ELMO1: variants seen among roughly 807,000 people sequenced by gnomAD.
ELMO1 encodes engulfment and cell motility 1.
In ELMO1, 26 loss-of-function variants were observed where a neutral mutation model predicts 98.9. That is an observed-to-expected ratio of 0.26 (90% CI 0.19 to 0.36). ELMO1 has a LOEUF of 0.36. Ranked by LOEUF, ELMO1 falls within the 10% of genes least tolerant of loss-of-function variation. ELMO1 has a pLI of 1.00. For missense variants in ELMO1, 627 were observed against 935.2 expected, an observed-to-expected ratio of 0.67 and a Z score of 4.30; for synonymous variants, 346 against 346.0, an observed-to-expected ratio of 1.00 and a Z score of 0.00.
chr7:37,013,731 A>C lies in ELMO1; in HGVS notation c.1301-296T>G, dbSNP rs546364320. On this transcript the variant is annotated intron_variant, in intron 15 of 21. Coordinates refer to ENST00000310758, the MANE Select transcript of ELMO1 (RefSeq NM_014800.11). ...GCTTTGTTCCAAAACTGCTGTGTTG[A>C]TTATGAGCCCTATATCTGCCTTCTT... 95 of 312,508 alleles carry C rather than the reference A, an allele frequency of 3.0e-4. 1 individual carries two copies. In the East Asian group the frequency reaches 4.8e-3, roughly 16 times the overall value. 19.4% of individuals were successfully genotyped at this position (312,508 alleles called of 1,614,324 possible).
chr7:36,993,410 A>G (rs1243198537), intron 16 of ELMO1, among the ~76,000 whole-genome samples: 1 of 152,208 alleles, frequency 6.6e-6, no homozygotes, highest in Non-Finnish European at 1.5e-5. Flanking sequence ...GTCTTAGTGA[A>G]CCAGCACTGC....
intron 20 of ELMO1, among the ~76,000 whole-genome samples, chr7:36,862,385 C>T (rs572517523): frequency 9.8e-5 from 15 of 152,330 alleles, no homozygotes; most frequent in African/African-American, 2.4e-4. Flanking sequence ...TCGAGAAGCA[C>T]GGGCTTACTC....
chr7:37,077,343 A>G (rs1475033925), intron 15 of ELMO1, among the ~76,000 whole-genome samples: 1 of 152,186 alleles, frequency 6.6e-6, no homozygotes, highest in Non-Finnish European at 1.5e-5. Flanking sequence ...CAGGGATGGA[A>G]AGGACATTCT....
At chr7:36,973,106 G>A (rs1790120824) in intron 16 of ELMO1, among the ~76,000 whole-genome samples, 1 of 152,178 alleles carries the variant, frequency 6.6e-6, no homozygotes, top group African/African-American at 2.4e-5. Context: ...TATTTTTGAG[G>A]AGGACATATT....
At chr7:37,119,891 A>C (rs2129286366) in intron 14 of ELMO1, among the ~76,000 whole-genome samples, 1 of 152,350 alleles carries the variant, frequency 6.6e-6, no homozygotes, top group African/African-American at 2.4e-5. Context: ...GTTAATCATA[A>C]ATTATGAGGG....
At chr7:36,913,750 T>C (rs1784497889) in intron 16 of ELMO1, among the ~76,000 whole-genome samples, 1 of 152,184 alleles carries the variant, frequency 6.6e-6, no homozygotes, top group Non-Finnish European at 1.5e-5. Flanking sequence ...TGAGTCCCTA[T>C]GCTATAGTTT....
chr7:36,960,065 C>T (rs1280505617), intron 16 of ELMO1, among the ~76,000 whole-genome samples: 2 of 152,178 alleles, frequency 1.3e-5, no homozygotes, highest in Non-Finnish European at 2.9e-5. Flanking sequence ...ATTGGTCTCC[C>T]CTAAAAACCA....
At chr7:37,056,135 C>A (rs146306812) in intron 15 of ELMO1, among the ~76,000 whole-genome samples, 133 of 152,258 alleles carry the variant, frequency 8.7e-4, no homozygotes, top group African/African-American at 3.0e-3. Context: ...TTTGTTGAGT[C>A]GTTCTCACAC....
intron 13 of ELMO1, among the ~76,000 whole-genome samples, chr7:37,200,215 A>T (rs1336948671): frequency 6.6e-6 from 1 of 150,976 alleles, no homozygotes; most frequent in Non-Finnish European, 1.5e-5. Context: ...CTGGGACTAC[A>T]GACGCATGCC....
At chr7:37,434,681 A>G (rs1413801274) in intron 1 of ELMO1, among the ~76,000 whole-genome samples, 1 of 152,124 alleles carries the variant, frequency 6.6e-6, no homozygotes, top group African/African-American at 2.4e-5. Flanking sequence ...CATGATCCCA[A>G]TCAGGCCTCC....
chr7:37,143,780 G>A (rs1008964514), intron 13 of ELMO1, among the ~76,000 whole-genome samples: 4 of 140,638 alleles, frequency 2.8e-5, no homozygotes, highest in Non-Finnish European at 4.6e-5. Context: ...GCATGATCTC[G>A]GCTCACTGCA....
chr7:36,986,127 C>T, intron 16 of ELMO1: 1 of 988,160 alleles, frequency 1.0e-6, no homozygotes, highest in Non-Finnish European at 1.2e-6. Flanking sequence ...GTATACACTC[C>T]AAGTCCAGAA....
chr7:37,273,842 A>C (rs1796692295), intron 4 of ELMO1, among the ~76,000 whole-genome samples: 1 of 152,252 alleles, frequency 6.6e-6, no homozygotes, highest in Non-Finnish European at 1.5e-5. Flanking sequence ...GAAATGCCAA[A>C]GACATATAAG....
chr7:36,941,509 A>G (rs1787034087), intron 16 of ELMO1, among the ~76,000 whole-genome samples: 1 of 152,254 alleles, frequency 6.6e-6, no homozygotes, highest in Non-Finnish European at 1.5e-5. Flanking sequence ...ATTAACATCT[A>G]CAAGTTAAAT....
chr7:36,900,541 G>A (rs1017093564), intron 16 of ELMO1, among the ~76,000 whole-genome samples: 33 of 152,148 alleles, frequency 2.2e-4, no homozygotes, highest in South Asian at 4.2e-4. Context: ...GCCCGTGGCC[G>A]TGGGATGGCA....
intron 20 of ELMO1, 76 bp from the exon 21 acceptor site, chr7:36,861,812 T>C (rs779442137): frequency 3.8e-5 from 54 of 1,419,086 alleles, no homozygotes; most frequent in Non-Finnish European, 5.0e-5. Flanking sequence ...TGGCTGCACA[T>C]TGACCATGGC....
chr7:36,964,714 C>CT (rs920909758), intron 16 of ELMO1, among the ~76,000 whole-genome samples: 2 of 152,110 alleles, frequency 1.3e-5, no homozygotes, highest in African/African-American at 4.8e-5. Flanking sequence ...TACAGTTAAC[C>CT]TACTTCCTTC....
chr7:37,129,147 A>C (rs1786729853), intron 14 of ELMO1, among the ~76,000 whole-genome samples: 1 of 151,960 alleles, frequency 6.6e-6, no homozygotes. Context: ...GACAAAGGCT[A>C]CTATGGTGGT....
At chr7:37,008,067 G>A (rs943959321) in intron 16 of ELMO1, among the ~76,000 whole-genome samples, 1 of 152,224 alleles carries the variant, frequency 6.6e-6, no homozygotes, top group African/African-American at 2.4e-5. Flanking sequence ...TTACTCTAGA[G>A]TGACTTCATT....
Sources: allele counts gnomAD v4.1 joint callset (sites outside exome capture counted in the v4.1 genomes callset), GRCh38; gene constraint gnomAD v4.1.1; transcripts MANE v1.5; gene names NCBI Gene and HGNC (gene_info 2026-07-23, HGNC 2026-07-21).